The following NFIA variants were observed in gnomAD, a reference collection of about 807,000 sequenced individuals.
NFIA encodes the protein nuclear factor 1 A-type.
A neutral mutation model predicts 62.8 loss-of-function variants in NFIA; 8 were observed. The ratio of observed to expected loss-of-function variants is 0.13; its 90% CI spans 0.07 to 0.23. The LOEUF is 0.23. Among genes scored for constraint, NFIA ranks in the 10% least tolerant of loss-of-function variants. NFIA has a pLI of 1.00. For missense variants in NFIA, 410 were observed against 642.1 expected (o/e 0.64, Z 3.91); for synonymous variants, 235 against 238.1 (o/e 0.99, Z 0.12).
chr1:61,175,528 T>C (rs765328322), intron 2 of NFIA, among the ~76,000 whole-genome samples: 3 of 152,190 alleles, frequency 2.0e-5, no homozygotes, highest in Non-Finnish European at 4.4e-5. Context: ...TTTTCTACCA[T>C]TGTAATTGTT....
At chr1:61,254,729 A>G (rs1255325846) in intron 2 of NFIA, among the ~76,000 whole-genome samples, 2 of 152,200 alleles carry the variant, frequency 1.3e-5, no homozygotes, top group African/African-American at 4.8e-5. Context: ...TATTTTGGCA[A>G]ATGCTACCCA....
chr1:61,171,200 A>G (rs1399943379), intron 2 of NFIA, among the ~76,000 whole-genome samples: 1 of 152,252 alleles, frequency 6.6e-6, no homozygotes, highest in Non-Finnish European at 1.5e-5. Context: ...CCATTAAATA[A>G]AAAGGACTGT....
Position 61,139,769 on chromosome 1 carries a change from C to G in NFIA, c.559+51089C>G, listed in dbSNP as rs114618462. 4.6e-3 allele frequency among the ~76,000 whole-genome samples: 691 copies of G among 149,078 alleles called. 5 individuals are homozygous for G. The highest frequency in any genetic ancestry group is 0.016 in the African/African-American group (660 of 40,302). On this transcript the variant is annotated intron_variant, in intron 2 of 10. Transcript: ENST00000403491. Reference sequence around the variant, plus strand: ...CCCATTCTTCTTTAAAAGACTATGTCATGAGCTGAACTATTAAGTTTTAAA... The same window carrying G: ...CCCATTCTTCTTTAAAAGACTATGTGATGAGCTGAACTATTAAGTTTTAAA...
chr1:61,422,750 A>AG (rs1165271573), intron 9 of NFIA, among the ~76,000 whole-genome samples: 1 of 150,980 alleles, frequency 6.6e-6, no homozygotes, highest in East Asian at 1.9e-4. Context: ...TCTATTTAAA[A>AG]AAAAAAAAAA....
intron 2 of NFIA, among the ~76,000 whole-genome samples, chr1:61,189,743 T>C (rs887672911): frequency 5.9e-5 from 9 of 152,312 alleles, no homozygotes; most frequent in African/African-American, 1.7e-4. Flanking sequence ...GTAAGTTCAC[T>C]GCTAGTGTTT....
chr1:61,148,670 A>G (rs1036202321), intron 2 of NFIA, among the ~76,000 whole-genome samples: 1 of 152,206 alleles, frequency 6.6e-6, no homozygotes, highest in African/African-American at 2.4e-5. Context: ...GGTACTTTCC[A>G]TTTAGATATG....
chr1:61,421,370 A>T (rs1191947123), intron 9 of NFIA, among the ~76,000 whole-genome samples: 2 of 152,218 alleles, frequency 1.3e-5, no homozygotes, highest in African/African-American at 4.8e-5. Context: ...AAATGAATCT[A>T]TTAAAATGTC....
chr1:61,216,975 G>C (rs895128243), intron 2 of NFIA, among the ~76,000 whole-genome samples: 2 of 151,646 alleles, frequency 1.3e-5, no homozygotes, highest in Admixed American at 6.6e-5. Context: ...ACTCCAGCCT[G>C]GGTGACAGAA....
intron 3 of NFIA, among the ~76,000 whole-genome samples, chr1:61,298,109 T>C (rs1247551396): frequency 1.3e-5 from 2 of 152,164 alleles, no homozygotes; most frequent in Non-Finnish European, 2.9e-5. Context: ...GAGCTGTAAT[T>C]CCCATGTGTC....
chr1:61,401,294 T>C (rs952874802), intron 7 of NFIA, among the ~76,000 whole-genome samples: 30 of 152,242 alleles, frequency 2.0e-4, no homozygotes, highest in African/African-American at 7.2e-4. Context: ...GTAGAATTAA[T>C]TCCATATAGT....
rs557636388 is a variant in NFIA at position 61,457,880 on chromosome 1, A to G, written c.*2560A>G. The stretch of plus-strand genomic sequence containing the variant: ...CCTTTTTCTTCAGCTCCCACACCCC[A>G]TTTTTCTTAGCAGACTGCAGTCAAT... On this transcript the variant is annotated 3_prime_UTR_variant, in exon 11 of 11. Coordinates refer to ENST00000403491, the MANE Select transcript of NFIA (RefSeq NM_001134673.4). This position sits in a 1 kb window ranked among gnomAD's most constrained non-coding sequence, Gnocchi z 4.2. 6.6e-6 allele frequency: 1 copy of G among 151,536 alleles called. No individual in the cohort carries two copies. Among genetic ancestry groups the G allele is most frequent in the South Asian group, 2.1e-4 (1 of 4,802 alleles). The allele number at this position is 151,536 out of a possible 1,614,324, so 9.4% of individuals were successfully genotyped here.
intron 3 of NFIA, among the ~76,000 whole-genome samples, chr1:61,312,077 G>A (rs1302246774): frequency 2.0e-5 from 3 of 152,230 alleles, no homozygotes; most frequent in South Asian, 4.1e-4. Flanking sequence ...CCACCAAAGT[G>A]TGGGGAGCCA....
chr1:61,184,145 CAAAAA>C (rs367690800), intron 2 of NFIA, among the ~76,000 whole-genome samples: 1 of 142,746 alleles, frequency 7.0e-6, no homozygotes, highest in African/African-American at 2.7e-5. Flanking sequence ...AAAAAAAACC[CAAAAA>C]AACAAAACAA....
intron 9 of NFIA, among the ~76,000 whole-genome samples, chr1:61,418,072 C>T (rs932249097): frequency 6.6e-6 from 1 of 152,148 alleles, no homozygotes; most frequent in Admixed American, 6.6e-5. Context: ...TTTCTATTTA[C>T]TATGTTGCAC....
intron 7 of NFIA, among the ~76,000 whole-genome samples, chr1:61,398,147 C>T (rs1211919627): frequency 2.0e-5 from 3 of 152,200 alleles, no homozygotes; most frequent in Non-Finnish European, 2.9e-5. Flanking sequence ...AACACAGCCG[C>T]GCTCATTTGT....
chr1:61,293,136 C>G (rs1394701553), intron 3 of NFIA, among the ~76,000 whole-genome samples: 3 of 152,216 alleles, frequency 2.0e-5, no homozygotes, highest in Non-Finnish European at 2.9e-5. Context: ...ACTTAGGTCA[C>G]TCTGCCATGT....
intron 2 of NFIA, among the ~76,000 whole-genome samples, chr1:61,270,624 G>A (rs1419923202): frequency 6.6e-6 from 1 of 152,158 alleles, no homozygotes; most frequent in Non-Finnish European, 1.5e-5. Flanking sequence ...ATAGATGGCT[G>A]TATGAGTAAT....
At chr1:61,453,083 T>A (rs2100591229) in intron 10 of NFIA, among the ~76,000 whole-genome samples, 2 of 152,320 alleles carry the variant, frequency 1.3e-5, no homozygotes, top group Middle Eastern at 3.4e-3. Flanking sequence ...GACAGATTAA[T>A]TAAATATACA....
chr1:61,360,313 A>G (rs1005277826), intron 6 of NFIA, among the ~76,000 whole-genome samples: 2 of 152,210 alleles, frequency 1.3e-5, no homozygotes, highest in Non-Finnish European at 2.9e-5. Context: ...GGCAAGTCCA[A>G]TGGGTATAAA....
Sources: gnomAD v4.1 joint callset for allele counts (sites outside exome capture counted in the v4.1 genomes callset) on GRCh38, gnomAD v4.1.1 for gene constraint, Gnocchi (gnomAD v3.1) non-coding constraint, MANE v1.5 for transcripts, NCBI Gene and HGNC (gene_info 2026-07-23, HGNC 2026-07-21) for gene names.